Variants in PPFIA2 observed in about 807,000 individuals in gnomAD.
PPFIA2 encodes liprin-alpha-2.
In PPFIA2, 46 loss-of-function variants were observed where a neutral mutation model predicts 175.5. The ratio of observed to expected loss-of-function variants is 0.26; its 90% CI spans 0.21 to 0.34. PPFIA2 has a LOEUF of 0.34. Ranked by LOEUF, PPFIA2 falls within the 10% of genes least tolerant of loss-of-function variation. The pLI, the probability that PPFIA2 is intolerant of heterozygous loss-of-function variation, is 1.00. For synonymous variants in PPFIA2, 568 were observed against 511.4 expected, an observed-to-expected ratio of 1.11 and a Z score of -1.49; for missense variants, 1,179 against 1,506.1, an observed-to-expected ratio of 0.78 and a Z score of 3.60.
intron 14 of PPFIA2, among the ~76,000 whole-genome samples, chr12:81,364,719 A>C (rs1241518519): frequency 2.6e-5 from 4 of 151,842 alleles, no homozygotes; most frequent in African/African-American, 9.7e-5. Flanking sequence ...AATGGTTTGG[A>C]CAAGAATGGT....
chr12:81,566,229 A>G (rs1298617707), intron 4 of PPFIA2, among the ~76,000 whole-genome samples: 1 of 152,134 alleles, frequency 6.6e-6, no homozygotes, highest in Non-Finnish European at 1.5e-5. Context: ...TATGAAAAGT[A>G]CATGTACGTT....
chr12:81,373,498 C>A (rs1347102775), intron 11 of PPFIA2, among the ~76,000 whole-genome samples: 2 of 151,894 alleles, frequency 1.3e-5, no homozygotes, highest in Admixed American at 1.3e-4. Flanking sequence ...GGTTTACTGG[C>A]ATGGTTTGTG....
intron 4 of PPFIA2, among the ~76,000 whole-genome samples, chr12:81,597,713 T>C (rs2059391024): frequency 6.9e-6 from 1 of 145,902 alleles, no homozygotes; most frequent in Non-Finnish European, 1.5e-5. Context: ...TGTAGCAGAT[T>C]TAAAAATTCC....
At chr12:81,327,369 A>G (rs2055024285) in intron 21 of PPFIA2, among the ~76,000 whole-genome samples, 1 of 152,078 alleles carries the variant, frequency 6.6e-6, no homozygotes, top group South Asian at 2.1e-4. Flanking sequence ...ACTGGTGACT[A>G]AAGTACTCTT....
intron 4 of PPFIA2, among the ~76,000 whole-genome samples, chr12:81,534,416 T>C (rs2065085913): frequency 6.6e-6 from 1 of 151,686 alleles, no homozygotes; most frequent in Non-Finnish European, 1.5e-5. Flanking sequence ...TTATTACATG[T>C]TCTATGCATG....
chr12:81,336,844 C>A (rs998851299), intron 21 of PPFIA2, among the ~76,000 whole-genome samples: 1 of 152,138 alleles, frequency 6.6e-6, no homozygotes, highest in African/African-American at 2.4e-5. Flanking sequence ...AGAACACTGG[C>A]AATGCTCCTG....
At chr12:81,267,183 A>AT (rs2037496901) in intron 29 of PPFIA2, 163 bp from the exon 30 acceptor site, 1 of 544,018 alleles carries the variant, frequency 1.8e-6, no homozygotes, top group African/African-American at 2.8e-5. Context: ...AATTTTAACT[A>AT]CAAAAAAAAC....
intron 21 of PPFIA2, 47 bp downstream of exon 21, chr12:81,339,133 T>C (rs752521985): frequency 2.1e-6 from 3 of 1,442,024 alleles, no homozygotes; most frequent in South Asian, 1.6e-5. Flanking sequence ...TACTGTGACA[T>C]GACTAAAATG....
intron 4 of PPFIA2, among the ~76,000 whole-genome samples, chr12:81,658,147 A>T (rs1922405): frequency 0.097 from 14,733 of 151,980 alleles, 970 homozygotes; most frequent in East Asian, 0.27. Flanking sequence ...ATATGCCTGT[A>T]GTCACAGCTA....
intron 28 of PPFIA2, among the ~76,000 whole-genome samples, chr12:81,276,931 G>C (rs972090012): frequency 1.3e-5 from 2 of 152,060 alleles, no homozygotes; most frequent in Non-Finnish European, 2.9e-5. Context: ...AAATTAAAAT[G>C]ATATAAACCA....
At chr12:81,451,158 T>C (rs2052492782) in intron 5 of PPFIA2, among the ~76,000 whole-genome samples, 1 of 151,902 alleles carries the variant, frequency 6.6e-6, no homozygotes, top group African/African-American at 2.4e-5. Flanking sequence ...CGCATGCATG[T>C]TTGTGTGTGA....
At chr12:81,468,503 A>G (rs1249032118) in intron 4 of PPFIA2, among the ~76,000 whole-genome samples, 1 of 152,176 alleles carries the variant, frequency 6.6e-6, no homozygotes, top group East Asian at 1.9e-4. Context: ...CTGCATATTA[A>G]TTTAAAAGAC....
chr12:81,693,519 T>C (rs2075509030), intron 3 of PPFIA2, among the ~76,000 whole-genome samples: 1 of 152,164 alleles, frequency 6.6e-6, no homozygotes, highest in South Asian at 2.1e-4. Flanking sequence ...ATGCTCCTTG[T>C]AAAGCCTGCA....
At chr12:81,494,369 A>C (rs375446391) in intron 4 of PPFIA2, among the ~76,000 whole-genome samples, 9 of 152,198 alleles carry the variant, frequency 5.9e-5, no homozygotes, top group East Asian at 5.8e-4. Context: ...GCCATCAGAG[A>C]AATGCAAATC....
intron 4 of PPFIA2, among the ~76,000 whole-genome samples, chr12:81,462,085 A>C (rs1399573188): frequency 1.3e-5 from 2 of 151,666 alleles, no homozygotes; most frequent in East Asian, 1.9e-4. Flanking sequence ...TAAATTTAGA[A>C]GATATTATTG....
intron 3 of PPFIA2, among the ~76,000 whole-genome samples, chr12:81,711,424 A>G (rs1209381012): frequency 6.6e-6 from 1 of 151,346 alleles, no homozygotes; most frequent in Non-Finnish European, 1.5e-5. Context: ...GTAAATCCCC[A>G]TATAAACTAA....
chr12:81,604,923 G>A (rs1020526403), intron 4 of PPFIA2, among the ~76,000 whole-genome samples: 1 of 151,656 alleles, frequency 6.6e-6, no homozygotes, highest in African/African-American at 2.4e-5. Context: ...CCTGAAGCCA[G>A]ACATTTGCTC....
intron 7 of PPFIA2, 192 bp downstream of exon 7, chr12:81,439,780 G>T: frequency 1.8e-6 from 1 of 559,496 alleles, no homozygotes; most frequent in South Asian, 2.4e-5. Context: ...CTTTGGTCTA[G>T]TAGTGACACA....
At chr12:81,558,713 G>A (rs1275915872) in intron 4 of PPFIA2, among the ~76,000 whole-genome samples, 5 of 152,118 alleles carry the variant, frequency 3.3e-5, no homozygotes, top group Admixed American at 1.3e-4. Context: ...AGGTGGCTAT[G>A]TATTTCTGAT....
Sources: allele counts gnomAD v4.1 joint callset (sites outside exome capture counted in the v4.1 genomes callset), GRCh38; gene constraint gnomAD v4.1.1; transcripts MANE v1.5; gene names NCBI Gene and HGNC (gene_info 2026-07-23, HGNC 2026-07-21).